The following NOLC1 variants were observed in gnomAD, a reference collection of about 807,000 sequenced individuals.
NOLC1 encodes the protein nucleolar and coiled-body phosphoprotein 1.
A neutral mutation model predicts 73.4 loss-of-function variants in NOLC1; 37 were observed. The observed-to-expected ratio is 0.50, with a 90% CI of 0.39 to 0.66. NOLC1 has a LOEUF of 0.66. Ranked by LOEUF, NOLC1 falls within the 30% of genes least tolerant of loss-of-function variation. NOLC1 has a pLI of 0.00. For synonymous variants in NOLC1, 327 were observed against 302.6 expected, an observed-to-expected ratio of 1.08 and a Z score of -0.84; for missense variants, 921 against 838.9, an observed-to-expected ratio of 1.10 and a Z score of -1.21.
intron 1 of NOLC1, among the ~76,000 whole-genome samples, chr10:102,156,045 G>C (rs954433746): frequency 1.3e-5 from 2 of 152,168 alleles, no homozygotes; most frequent in Admixed American, 6.5e-5. Context: ...TCTCCATGTT[G>C]GCCAGGCTGG....
chr10:102,156,525 C>G (rs1483525659), intron 1 of NOLC1, among the ~76,000 whole-genome samples: 1 of 150,482 alleles, frequency 6.6e-6, no homozygotes, highest in Non-Finnish European at 1.5e-5. Flanking sequence ...CCTGCTTCAG[C>G]CTTCTAGGTT....
Position 102,162,348 on chromosome 10 carries a change from T to C in NOLC1, c.*79T>C. On this transcript the variant is annotated 3_prime_UTR_variant, in exon 13 of 13. Transcript: ENST00000605788. ...TCCAGTGGACCTGGGAACCCTCAGG[T>C]CTCTAGGTGAGGGTCTTGATGAGGA... is the stretch of plus-strand genomic sequence containing the variant. 1 of 1,509,594 alleles carries C rather than the reference T, an allele frequency of 6.6e-7. No individual in the cohort carries two copies. The highest frequency in any genetic ancestry group is 1.2e-5 in the South Asian group (1 of 81,120). 93.5% of individuals were successfully genotyped at this position (1,509,594 alleles called of 1,614,324 possible). A position where few individuals can be genotyped will look rare whatever the true frequency, so the allele number is the denominator to read the frequency against.
chr10:102,158,908 A>G (rs2133757999), intron 5 of NOLC1, among the ~76,000 whole-genome samples: 1 of 152,026 alleles, frequency 6.6e-6, no homozygotes, highest in African/African-American at 2.4e-5. Flanking sequence ...CAGCCTGGCC[A>G]ACATGGCGAA....
chr10:102,161,105 A>C lies in NOLC1; in HGVS notation c.1741+12A>C. On this transcript the variant is annotated intron_variant, in intron 10 of 12. Coordinates refer to ENST00000605788, the MANE Select transcript of NOLC1 (RefSeq NM_004741.5). The stretch of plus-strand genomic sequence containing the variant: ...AGTTTCCAAATCAGGTCTGTACCCA[A>C]TGAACATGCCCTCTGGGTTTTGTCC... 1 of 1,589,382 alleles carries C rather than the reference A, an allele frequency of 6.3e-7. No individual in the cohort carries two copies. The highest frequency in any genetic ancestry group is 8.5e-7 in the Non-Finnish European group (1 of 1,172,566).
chr10:102,161,236 AC>A, intron 10 of NOLC1, 143 bp downstream of exon 10: 3 of 832,558 alleles, frequency 3.6e-6, no homozygotes, highest in Non-Finnish European at 1.8e-6. Flanking sequence ...GAAACTGGTT[AC>A]CTTTTTTTTT....
At chr10:102,155,022 A>ATTT (rs34034390) in intron 1 of NOLC1, among the ~76,000 whole-genome samples, 12 of 131,244 alleles carry the variant, frequency 9.1e-5, no homozygotes, top group African/African-American at 1.1e-4. Flanking sequence ...CACCTGGCTA[A>ATTT]TTTTTTTTTT....
chr10:102,162,311 CTACT>C lies in NOLC1; in HGVS notation c.*48_*51del. ...GTGAAGCAAGGGTGATGATCGGAGA[CTACT>C]TACTTTCTCCAGTGGACCTGGGAAC... is the stretch of plus-strand genomic sequence containing the variant. On this transcript the variant is annotated 3_prime_UTR_variant, in exon 13 of 13. Transcript: ENST00000605788. The C allele has an allele frequency of 1.0e-5, 16 of 1,598,210 alleles. No individual in the cohort carries two copies. Among genetic ancestry groups the C allele is most frequent in the Non-Finnish European group, 1.4e-5 (16 of 1,170,394 alleles).
chr10:102,155,065 C>T (rs1391298133), intron 1 of NOLC1, among the ~76,000 whole-genome samples: 1 of 150,416 alleles, frequency 6.6e-6, no homozygotes, highest in East Asian at 1.9e-4. Context: ...TCTTGTTGCC[C>T]AGGCTGGAGT....
intron 5 of NOLC1, 115 bp from the exon 6 acceptor site, chr10:102,159,065 CAAAAAAAAAAAAA>C (rs35183508): frequency 1.3e-3 from 450 of 357,718 alleles, no homozygotes; most frequent in South Asian, 6.0e-3. Context: ...ACTCCGTCTC[CAAAAAAAAAAAAA>C]AAAAAAAAAA....
chr10:102,152,420 G>C lies in NOLC1; in HGVS notation c.10G>C (p.Ala4Pro), dbSNP rs1178498302. MAD[A>P]GIRRVVPSDL... ...GCGTATTGCCTGGAGGATGGCGGAC[G>C]CCGGCATTCGCCGCGTGGTTCCCAG... The change falls in exon 1 of 13, where the codon GCC becomes CCC. Residue 4 changes from alanine to proline, a missense_variant. By Grantham distance (27) the Ala-to-Pro change is conservative. Coordinates refer to ENST00000605788, the MANE Select transcript of NOLC1 (RefSeq NM_004741.5). 1 of 1,610,508 alleles carries C rather than the reference G, an allele frequency of 6.2e-7. No homozygotes were observed. The highest frequency in any genetic ancestry group is 8.5e-7 in the Non-Finnish European group (1 of 1,180,018).
chr10:102,154,418 T>A (rs911048737), intron 1 of NOLC1, among the ~76,000 whole-genome samples: 9 of 152,078 alleles, frequency 5.9e-5, no homozygotes, highest in African/African-American at 2.2e-4. Context: ...AATAACTTAA[T>A]GAGATGTGTA....
At chr10:102,157,951 A>G (rs151260267) in intron 4 of NOLC1, 98 bp from the exon 5 acceptor site, 4 of 1,090,196 alleles carry the variant, frequency 3.7e-6, no homozygotes, top group East Asian at 4.8e-5. Flanking sequence ...TTTTGCTCTT[A>G]CTGCTCCATT....
rs565564864 is a variant in NOLC1, at chr10:102,162,530, C to G, written c.*261C>G. ...TAAGAAAATTCATTTTCATTGTTGTCTCCTTCCTTTTCTGTGAAAGTCCTC... is the reference window on the plus strand; with the variant it reads ...TAAGAAAATTCATTTTCATTGTTGTGTCCTTCCTTTTCTGTGAAAGTCCTC... On this transcript the variant is annotated 3_prime_UTR_variant, in exon 13 of 13. Coordinates refer to ENST00000605788, the MANE Select transcript of NOLC1 (RefSeq NM_004741.5). 3.8e-5 allele frequency: 11 copies of G among 291,026 alleles called. No homozygotes were observed. The highest frequency in any genetic ancestry group is 5.7e-5 in the Non-Finnish European group (9 of 158,870). 18.0% of individuals were successfully genotyped at this position (291,026 alleles called of 1,614,324 possible). A position where few individuals can be genotyped will look rare whatever the true frequency, so the allele number is the denominator to read the frequency against.
chr10:102,157,225 TG>T lies in NOLC1; in HGVS notation c.215del (p.Gly72AspfsTer116). 1 of 1,614,084 alleles carries T rather than the reference TG, an allele frequency of 6.2e-7. No individual in the cohort carries two copies. Among genetic ancestry groups the T allele is most frequent in the Non-Finnish European group, 8.5e-7 (1 of 1,180,026 alleles). On this transcript the variant is annotated frameshift_variant, in exon 3 of 13. Transcript: ENST00000605788. LOFTEE classifies it high-confidence loss of function. ...TCCCAGAGCGAAAGTTACAGGCAAA[TG>T]GACCAGTGGCTAAGAAAGCTAAGAA... ...KVPERKLQANGPVAKKAKKKA... is the reference protein window; with the variant it reads ...KVPERKLQANXPVAKKAKKKA...
Position 102,157,573 on chromosome 10 carries a change from GA to G in NOLC1, c.441+23del, listed in dbSNP as rs1564968661. On this transcript the variant is annotated intron_variant, in intron 4 of 12. Transcript: ENST00000605788. ...CTGTCCAGGTTTGCAGCTTTGGGAA[GA>G]AAAAGGGGTTTAAGGATTAGAAAGG... 6.2e-7 allele frequency: 1 copy of G among 1,605,908 alleles called. No individual in the cohort carries two copies. The highest frequency in any genetic ancestry group is 1.7e-5 in the Admixed American group (1 of 57,684).
Position 102,162,264 on chromosome 10 carries a change from G to A in NOLC1, c.2095G>A (p.Glu699Lys), listed in dbSNP as rs2069725103. ...GGTCAATTCTATTAAGTTTGACAGC[G>A]AGTGACCTGAGGCCATCTTCGGTGA... ...VQVNSIKFDS[E>K] Residue 699 changes from glutamate to lysine, a missense_variant, in exon 13 of 13, where the codon GAG becomes AAG. Transcript: ENST00000605788. 9 of 1,613,830 alleles carry A rather than the reference G, an allele frequency of 5.6e-6. No homozygotes were observed. Among genetic ancestry groups the A allele is most frequent in the South Asian group, 2.2e-5 (2 of 91,046 alleles).
At chr10:102,161,463 C>T (rs2069708307) in intron 10 of NOLC1, 93 bp from the exon 11 acceptor site, 1 of 873,634 alleles carries the variant, frequency 1.1e-6, no homozygotes, top group Non-Finnish European at 1.8e-6. Context: ...ATTTCCTGGG[C>T]TCAAGCGATC....
rs1371009531 is a variant in NOLC1, at chr10:102,158,200, C to G, written c.593C>G (p.Ala198Gly). ...TPVTVKAQTK[A>G]PPKPARAAPK... ...GTGACAGTTAAAGCTCAGACTAAAG[C>G]CCCTCCCAAACCAGGTACTGTTTCT... The change falls in exon 5 of 13, where the codon GCC (alanine) becomes GGC (glycine). Residue 198 changes from alanine to glycine, a missense_variant. Physicochemically the swap from Ala to Gly is moderately conservative, Grantham distance 60. Coordinates refer to ENST00000605788, the MANE Select transcript of NOLC1 (RefSeq NM_004741.5). 2 of 1,614,032 alleles carry G rather than the reference C, an allele frequency of 1.2e-6. No individual in the cohort carries two copies. Among genetic ancestry groups the G allele is most frequent in the Non-Finnish European group, 1.7e-6 (2 of 1,179,950 alleles).
At chr10:102,158,328 T>C in intron 5 of NOLC1, 114 bp downstream of exon 5, 2 of 702,684 alleles carry the variant, frequency 2.8e-6, no homozygotes, top group Non-Finnish European at 2.2e-6. Flanking sequence ...GAACTGGAGG[T>C]GTTGATTACT....
Sources: gnomAD v4.1 joint callset for allele counts (sites outside exome capture counted in the v4.1 genomes callset) on GRCh38, gnomAD v4.1.1 for gene constraint, MANE v1.5 for transcripts, NCBI Gene and HGNC (gene_info 2026-07-23, HGNC 2026-07-21) for gene names.